UNC13C: variants seen among roughly 807,000 people sequenced by gnomAD.
UNC13C encodes protein unc-13 homolog C.
In UNC13C, 174 loss-of-function variants were observed where a neutral mutation model predicts 245.4. That is an observed-to-expected ratio of 0.71 (90% CI 0.63 to 0.80). UNC13C has a LOEUF of 0.80. Among genes scored for constraint, UNC13C ranks in the 30% least tolerant of loss-of-function variants. The probability of loss-of-function intolerance (pLI) is 0.00; values close to 1 mark genes in which losing one functional copy is unlikely to be tolerated. For synonymous variants in UNC13C, 992 were observed against 895.1 expected, an observed-to-expected ratio of 1.11 and a Z score of -1.93; for missense variants, 2,829 against 2,602.9, an observed-to-expected ratio of 1.09 and a Z score of -1.89.
chr15:53,939,107 A>G, the UNC13C span, among the ~76,000 whole-genome samples: 1 of 152,074 alleles, frequency 6.6e-6, no homozygotes, highest in Non-Finnish European at 1.5e-5. Flanking sequence ...ATAGACTAAT[A>G]AGGAAAAAAG....
intron 4 of UNC13C, among the ~76,000 whole-genome samples, chr15:54,188,906 T>C (rs1433812018): frequency 6.6e-6 from 1 of 152,186 alleles, no homozygotes; most frequent in African/African-American, 2.4e-5. Context: ...AAATGCAATC[T>C]TACTCTTCCA....
At chr15:54,386,157 A>G (rs975500932) in intron 17 of UNC13C, among the ~76,000 whole-genome samples, 9 of 152,204 alleles carry the variant, frequency 5.9e-5, no homozygotes, top group African/African-American at 2.2e-4. Context: ...CTAAAGAGAA[A>G]AAACCGAGGC....
intron 4 of UNC13C, among the ~76,000 whole-genome samples, chr15:54,215,026 A>G (rs1297814801): frequency 6.6e-6 from 1 of 151,926 alleles, no homozygotes; most frequent in Non-Finnish European, 1.5e-5. Context: ...GTAGCATGTA[A>G]TAATGTCTGA....
At chr15:54,166,260 C>T (rs1024392807) in intron 4 of UNC13C, among the ~76,000 whole-genome samples, 7 of 151,928 alleles carry the variant, frequency 4.6e-5, no homozygotes, top group Non-Finnish European at 8.8e-5. Flanking sequence ...TTCCAGTCTT[C>T]TTAGAGCAAA....
chr15:54,261,833 G>A (rs748816331), intron 8 of UNC13C, among the ~76,000 whole-genome samples: 4 of 152,108 alleles, frequency 2.6e-5, no homozygotes, highest in Non-Finnish European at 5.9e-5. Flanking sequence ...TTGAGCCACC[G>A]CGCCCGGCCA....
chr15:53,945,985 A>T, the UNC13C span, among the ~76,000 whole-genome samples: 1 of 151,736 alleles, frequency 6.6e-6, no homozygotes, highest in Admixed American at 6.6e-5. Context: ...CTATGTTCCT[A>T]TGTTTTTTAT....
chr15:53,992,738 A>G (rs1336865942), intron 1 of UNC13C, among the ~76,000 whole-genome samples: 1 of 152,102 alleles, frequency 6.6e-6, no homozygotes, highest in African/African-American at 2.4e-5. Flanking sequence ...ATCTGTGGCA[A>G]GAGGGAAGAA....
intron 4 of UNC13C, among the ~76,000 whole-genome samples, chr15:54,161,623 ATACAG>A (rs1487252673): frequency 6.6e-6 from 1 of 152,038 alleles, no homozygotes; most frequent in Non-Finnish European, 1.5e-5. Flanking sequence ...TTTATATTAG[ATACAG>A]TAAGCCTTTT....
At chr15:54,129,578 ATTAT>A (rs898913249) in intron 2 of UNC13C, among the ~76,000 whole-genome samples, 26 of 151,958 alleles carry the variant, frequency 1.7e-4, no homozygotes, top group African/African-American at 6.0e-4. Context: ...AAGTTTTTCT[ATTAT>A]TTTTGAGTAA....
chr15:54,052,501 T>G lies in UNC13C; in HGVS notation c.2983+36615T>G, dbSNP rs373863015. Among the ~76,000 whole-genome samples, 20 of 152,350 alleles carry G rather than the reference T, an allele frequency of 1.3e-4. No individual in the cohort carries two copies. In the East Asian group the frequency reaches 3.9e-3, roughly 29 times the overall value. ...TCATTGTGGTTTTGATTTGCATTTC[T>G]CTGATGGCCAGACTTTAAATCTCAC... On this transcript the variant is annotated intron_variant, in intron 2 of 32. Coordinates refer to ENST00000260323, the MANE Select transcript of UNC13C (RefSeq NM_001080534.3).
chr15:54,063,152 C>A (rs1897921541), intron 2 of UNC13C, among the ~76,000 whole-genome samples: 1 of 152,102 alleles, frequency 6.6e-6, no homozygotes, highest in African/African-American at 2.4e-5. Context: ...CGAATTAGAG[C>A]TAATAAGAAA....
chr15:54,578,951 T>G (rs965394516), intron 30 of UNC13C, among the ~76,000 whole-genome samples: 1 of 152,134 alleles, frequency 6.6e-6, no homozygotes, highest in Non-Finnish European at 1.5e-5. Flanking sequence ...GTCACTGAAG[T>G]GATTTAAGCA....
chr15:54,631,740 T>C (rs1901460895), downstream of UNC13C: 1 of 152,220 alleles, frequency 6.6e-6, no homozygotes, highest in Admixed American at 6.5e-5. Flanking sequence ...AAGATTTCAT[T>C]CACCACTTAC....
intron 2 of UNC13C, among the ~76,000 whole-genome samples, chr15:54,110,887 A>G (rs533217216): frequency 6.6e-6 from 1 of 152,320 alleles, no homozygotes; most frequent in South Asian, 2.1e-4. Context: ...GATAAGAGTA[A>G]ACAATTGTTT....
intron 30 of UNC13C, among the ~76,000 whole-genome samples, chr15:54,614,579 GT>G (rs2141295566): frequency 6.6e-6 from 1 of 151,968 alleles, no homozygotes; most frequent in African/African-American, 2.4e-5. Flanking sequence ...GGCTTTTGAA[GT>G]TTTGAAAATT....
chr15:54,366,486 A>G (rs774099210), intron 17 of UNC13C, among the ~76,000 whole-genome samples: 3 of 152,218 alleles, frequency 2.0e-5, no homozygotes, highest in Non-Finnish European at 4.4e-5. Context: ...ACACACATAC[A>G]CACACATACA....
the UNC13C span, among the ~76,000 whole-genome samples, chr15:53,944,399 CCCT>C: frequency 6.6e-6 from 1 of 152,016 alleles, no homozygotes; most frequent in South Asian, 2.1e-4. Context: ...CTGATCCTTT[CCCT>C]CCTCCTGCCT....
Position 54,014,060 on chromosome 15 carries a change from A to G in UNC13C, c.1157A>G (p.Gln386Arg). ...PILVYFETPQ[Q>R]RDSVLKKSYK... Reference sequence around the variant, plus strand: ...CTTGTGTACTTTGAAACCCCTCAACAAAGGGATTCTGTCTTAAAAAAGTCA... The same window carrying G: ...CTTGTGTACTTTGAAACCCCTCAACGAAGGGATTCTGTCTTAAAAAAGTCA... Residue 386 changes from glutamine (Q) to arginine (R), a missense_variant, in exon 2 of 33, where the codon CAA becomes CGA. Gln to Arg is a conservative substitution (Grantham distance 43). Coordinates refer to ENST00000260323, the MANE Select transcript of UNC13C (RefSeq NM_001080534.3). 6.2e-7 allele frequency: 1 copy of G among 1,613,810 alleles called. No homozygotes were observed. Among genetic ancestry groups the G allele is most frequent in the Non-Finnish European group, 8.5e-7 (1 of 1,179,826 alleles).
At chr15:54,246,091 A>G (rs1358516929) in intron 7 of UNC13C, among the ~76,000 whole-genome samples, 1 of 152,216 alleles carries the variant, frequency 6.6e-6, no homozygotes, top group Non-Finnish European at 1.5e-5. Context: ...TGATTCCTTT[A>G]AATCTCAGGC....
Sources: gnomAD v4.1 joint callset for allele counts (sites outside exome capture counted in the v4.1 genomes callset) on GRCh38, gnomAD v4.1.1 for gene constraint, MANE v1.5 for transcripts, NCBI Gene and HGNC (gene_info 2026-07-23, HGNC 2026-07-21) for gene names.